The following EMC1 variants were observed in gnomAD, a reference collection of about 807,000 sequenced individuals.
EMC1 encodes the protein KIAA0090.
A neutral mutation model predicts 128.8 loss-of-function variants in EMC1; 103 were observed. That is an observed-to-expected ratio of 0.80 (90% CI 0.68 to 0.94). The LOEUF (loss-of-function observed/expected upper bound fraction) is 0.94. Ranked by LOEUF, EMC1 falls within the 40% of genes least tolerant of loss-of-function variation. The probability of loss-of-function intolerance (pLI) is 0.00; values close to 1 mark genes in which losing one functional copy is unlikely to be tolerated. For missense variants in EMC1, 1,083 were observed against 1,250.6 expected (o/e 0.87, Z 2.02); for synonymous variants, 442 against 490.4 (o/e 0.90, Z 1.30).
chr1:19,243,492 C>A (rs1305305687), intron 4 of EMC1, 122 bp downstream of exon 4: 3 of 835,060 alleles, frequency 3.6e-6, no homozygotes, highest in Non-Finnish European at 6.1e-6. Flanking sequence ...TACTCAATGT[C>A]AATGGCTGGC....
At position 19,227,388 on chromosome 1, in the gene EMC1, C is replaced by T. The variant is rs1290418588; in HGVS notation, c.2127G>A (p.Lys709=). 6.2e-7 allele frequency: 1 copy of T among 1,614,116 alleles called. No individual in the cohort carries two copies. Among genetic ancestry groups the T allele is most frequent in the African/African-American group, 1.3e-5 (1 of 74,938 alleles). ...GCTCACTGCTGCGTTTCCCCTTCACCTTGACGATCCGCTGTACTTCTGGGG... is the reference window on the plus strand; with the variant it reads ...GCTCACTGCTGCGTTTCCCCTTCACTTTGACGATCCGCTGTACTTCTGGGG... ...TIPPEVQRIV[K]VKGKRSSEHV... is the part of the protein sequence containing the mutation. Residue 709 remains lysine (K), a synonymous_variant, in exon 18 of 23, where the codon AAG becomes AAA. Coordinates refer to ENST00000477853, the MANE Select transcript of EMC1 (RefSeq NM_015047.3).
intron 18 of EMC1, among the ~76,000 whole-genome samples, chr1:19,223,964 C>T (rs982486102): frequency 6.6e-6 from 1 of 152,112 alleles, no homozygotes; most frequent in African/African-American, 2.4e-5. Context: ...GGGTCACCAC[C>T]CCCCTCCCCA....
In EMC1 at chr1:19,219,598, C is replaced by T. The variant is rs1267820277; in HGVS notation, c.2773G>A (p.Ala925Thr). The T allele has an allele frequency of 2.5e-6, 4 of 1,614,124 alleles. No homozygotes were observed. The East Asian group carries it at 8.9e-5, about 36-fold the overall frequency. ...TVSRMRGIYT[A>T]PSGLESTCLV... is the part of the protein sequence containing the mutation. ...CAAGTGGACTCCAGACCCGAGGGAG[C>T]TGTGTAGATACCTCGCATTCGAGAA... The change falls in exon 22 of 23, where the codon GCT becomes ACT. Residue 925 changes from alanine to threonine, a missense_variant. Ala to Thr is a moderately conservative substitution (Grantham distance 58). Transcript: ENST00000477853.
intron 17 of EMC1, chr1:19,229,234 A>G (rs982207560): frequency 2.6e-5 from 4 of 152,222 alleles, no homozygotes; most frequent in Non-Finnish European, 4.4e-5. Flanking sequence ...ACCTCTCTGT[A>G]TCAATGGACT....
In EMC1 at chr1:19,238,871, A is replaced by G. The variant is rs1194010855; in HGVS notation, c.1027-14T>C. The G allele has an allele frequency of 8.9e-6, 14 of 1,581,024 alleles. No homozygotes were observed. Among genetic ancestry groups the G allele is most frequent in the Non-Finnish European group, 1.2e-5 (14 of 1,151,390 alleles). ...GCTACTTTTCTGCTATGAGAAAGAG[A>G]AGGACAGGAGAAAATTCAGCCAAAG... is the stretch of plus-strand genomic sequence containing the variant. On this transcript the variant is annotated splice_polypyrimidine_tract_variant and intron_variant, in intron 9 of 22. Transcript: ENST00000477853.
At chr1:19,236,806 GA>G (rs1451385855) in intron 12 of EMC1, among the ~76,000 whole-genome samples, 2 of 150,464 alleles carry the variant, frequency 1.3e-5, no homozygotes, top group Non-Finnish European at 3.0e-5. Flanking sequence ...TGTCTCTACT[GA>G]AAATACAAAA....
chr1:19,243,486 C>T, intron 4 of EMC1, 128 bp downstream of exon 4: 2 of 790,126 alleles, frequency 2.5e-6, no homozygotes, highest in Non-Finnish European at 4.4e-6. Flanking sequence ...AATGGGTACT[C>T]AATGTCAATG....
At chr1:19,238,224 T>A (rs2093580587) in intron 10 of EMC1, 85 bp from the exon 11 acceptor site, 3 of 1,515,232 alleles carry the variant, frequency 2.0e-6, no homozygotes, top group Non-Finnish European at 2.7e-6. Flanking sequence ...TGGGGGCAAA[T>A]ACCCTAGAGA....
intron 1 of EMC1, among the ~76,000 whole-genome samples, chr1:19,250,264 T>A (rs1226487238): frequency 6.7e-6 from 1 of 149,860 alleles, no homozygotes; most frequent in African/African-American, 2.5e-5. Context: ...AACAGAGTCC[T>A]TTTCCCCCCT....
rs747614875 is a variant in EMC1 at position 19,222,852 on chromosome 1, G to A, written c.2377-18C>T. 4 of 1,568,448 alleles carry A rather than the reference G, an allele frequency of 2.6e-6. No homozygotes were observed. The highest frequency in any genetic ancestry group is 3.6e-5 in the Admixed American group (2 of 56,012). On this transcript the variant is annotated intron_variant, in intron 19 of 22. Coordinates refer to ENST00000477853, the MANE Select transcript of EMC1 (RefSeq NM_015047.3). ...TACTGGTACTGCAGGGATAGGAGGT[G>A]GCAGCTCAGGGCTTAGCAGCTGCTT...
chr1:19,232,830 T>C, intron 14 of EMC1, 57 bp from the exon 15 acceptor site: 1 of 1,610,782 alleles, frequency 6.2e-7, no homozygotes, highest in African/African-American at 1.3e-5. Context: ...AAGAACTGAG[T>C]CTGTCCTTGA....
chr1:19,242,946 C>T (rs990106995), intron 4 of EMC1, among the ~76,000 whole-genome samples: 34 of 152,170 alleles, frequency 2.2e-4, no homozygotes, highest in African/African-American at 7.7e-4. Flanking sequence ...ATCATTTGAA[C>T]AACTTTAGGG....
chr1:19,245,171 C>T, intron 1 of EMC1, 141 bp from the exon 2 acceptor site: 2 of 896,438 alleles, frequency 2.2e-6, no homozygotes, highest in South Asian at 3.3e-5. Flanking sequence ...GGCGCAGTGG[C>T]TCACACCTGT....
intron 18 of EMC1, among the ~76,000 whole-genome samples, chr1:19,224,790 G>C (rs764465360): frequency 2.0e-5 from 3 of 151,880 alleles, no homozygotes; most frequent in East Asian, 1.9e-4. Flanking sequence ...CCTGTGATCT[G>C]GCCCTGTTGC....
chr1:19,226,554 A>T (rs2093475037), intron 18 of EMC1, among the ~76,000 whole-genome samples: 1 of 152,038 alleles, frequency 6.6e-6, no homozygotes, highest in Non-Finnish European at 1.5e-5. Flanking sequence ...ATTTAAAAAA[A>T]ATTTTTTTTG....
intron 21 of EMC1, chr1:19,220,237 G>A (rs533919400): frequency 6.2e-6 from 1 of 161,486 alleles, no homozygotes; most frequent in Non-Finnish European, 1.4e-5. Flanking sequence ...TACCAACAGT[G>A]AATAAGATAT....
chr1:19,234,718 T>C (rs559373788), intron 13 of EMC1, among the ~76,000 whole-genome samples: 5 of 152,092 alleles, frequency 3.3e-5, no homozygotes, highest in African/African-American at 4.8e-5. Flanking sequence ...TGGTGGCGCA[T>C]GCCTGTAATC....
In EMC1 at chr1:19,243,990, C is replaced by T. The variant is rs895428082; in HGVS notation, c.246G>A (p.Thr82=). The change falls in exon 3 of 23, where the codon ACG becomes ACA. Residue 82 remains threonine (T), a synonymous_variant. Coordinates refer to ENST00000477853, the MANE Select transcript of EMC1 (RefSeq NM_015047.3). ...EILWRHVDKG[T]AEGAVDAMLL... ...GCATGGCATCCACAGCCCCTTCTGCCGTGCCCTTGTCAACATGGCGCCACA... is the reference window on the plus strand; with the variant it reads ...GCATGGCATCCACAGCCCCTTCTGCTGTGCCCTTGTCAACATGGCGCCACA... The T allele has an allele frequency of 5.6e-6, 9 of 1,614,104 alleles. No homozygotes were observed. Among genetic ancestry groups the T allele is most frequent in the East Asian group, 2.2e-5 (1 of 44,880 alleles).
At chr1:19,237,300 G>C (rs2093572507) in intron 11 of EMC1, 62 bp from the exon 12 acceptor site, 1 of 1,156,294 alleles carries the variant, frequency 8.6e-7, no homozygotes, top group Non-Finnish European at 1.3e-6. Flanking sequence ...GAGAGCACCA[G>C]ACCCCAGGAG....
Sources: gnomAD v4.1 joint callset for allele counts (sites outside exome capture counted in the v4.1 genomes callset) on GRCh38, gnomAD v4.1.1 for gene constraint, MANE v1.5 for transcripts, NCBI Gene and HGNC (gene_info 2026-07-23, HGNC 2026-07-21) for gene names.